KLF8: variants seen among roughly 807,000 people sequenced by gnomAD.
KLF8 encodes the protein KLF transcription factor 8.
In KLF8, 10 loss-of-function variants were observed where a neutral mutation model predicts 18.2. The ratio of observed to expected loss-of-function variants is 0.55; its 90% confidence interval spans 0.34 to 0.93. The LOEUF is 0.93. KLF8 is among the 40% of genes least tolerant of loss of function. The pLI, the probability that KLF8 is intolerant of heterozygous loss-of-function variation, is 0.02. For synonymous variants in KLF8, 109 were observed against 97.3 expected (o/e 1.12, Z -0.71); for missense variants, 264 against 277.9 (o/e 0.95, Z 0.36).
chrX:56,167,502 C>T, the KLF8 span, among the ~76,000 whole-genome samples: 1 of 111,949 alleles, frequency 8.9e-6, no homozygotes, highest in Non-Finnish European at 1.9e-5. Context: ...TTAACTCTAC[C>T]GTATTAGCTG....
chrX:55,952,845 G>A, the KLF8 span, among the ~76,000 whole-genome samples: 1 of 111,613 alleles, frequency 9.0e-6, no homozygotes, highest in Non-Finnish European at 1.9e-5. Context: ...TGTGGGCCAG[G>A]CCCTGTGATA....
chrX:56,075,790 T>A, the KLF8 span, among the ~76,000 whole-genome samples: 2 of 111,949 alleles, frequency 1.8e-5, no homozygotes, highest in Admixed American at 9.5e-5. Context: ...GTGCCTGGCT[T>A]ATTTACTTAA....
At chrX:56,254,500 T>C (rs763425916) in intron 2 of KLF8, among the ~76,000 whole-genome samples, 1 of 112,122 alleles carries the variant, frequency 8.9e-6, no homozygotes, top group South Asian at 3.7e-4. Context: ...CATTAACAGC[T>C]CACCAGAGGG....
the KLF8 span, among the ~76,000 whole-genome samples, chrX:56,226,989 A>G: frequency 8.9e-6 from 1 of 112,588 alleles, no homozygotes; most frequent in Non-Finnish European, 1.9e-5. Flanking sequence ...CAGTACTTCA[A>G]TAGGTGTATT....
In KLF8 at chrX:56,269,360, C is replaced by G; in HGVS notation, c.647-18C>G. ...ACATACATCTTCAGCTCACACTGCT[C>G]CCTTTCTTTGCTTTTAGTGAAAGTT... On this transcript the variant is annotated intron_variant, in intron 3 of 5. Transcript: ENST00000468660. 1 of 1,195,646 alleles carries G rather than the reference C, an allele frequency of 8.4e-7. No individual in the cohort carries two copies. The highest frequency in any genetic ancestry group is 1.7e-5 in the African/African-American group (1 of 57,419).
the KLF8 span, among the ~76,000 whole-genome samples, chrX:55,981,877 C>T: frequency 2.7e-5 from 3 of 111,915 alleles, no homozygotes; most frequent in Non-Finnish European, 5.6e-5. Context: ...TTCCTTTGCT[C>T]CACCCACCTA....
chrX:56,039,693 G>T, the KLF8 span, among the ~76,000 whole-genome samples: 2 of 111,782 alleles, frequency 1.8e-5, no homozygotes, highest in East Asian at 5.6e-4. Flanking sequence ...GTTTGCTTAG[G>T]ATTGTCTTGT....
chrX:56,053,258 T>C, the KLF8 span, among the ~76,000 whole-genome samples: 3 of 112,338 alleles, frequency 2.7e-5, no homozygotes, highest in Non-Finnish European at 5.6e-5. Flanking sequence ...CTGTTCCTAT[T>C]CTGCTATCTT....
At chrX:55,992,960 C>T in the KLF8 span, among the ~76,000 whole-genome samples, 2 of 111,471 alleles carry the variant, frequency 1.8e-5, no homozygotes, top group African/African-American at 6.5e-5. Flanking sequence ...TACCTTGAAA[C>T]TTTGCTGAAG....
At chrX:55,964,905 C>T in the KLF8 span, among the ~76,000 whole-genome samples, 1 of 111,096 alleles carries the variant, frequency 9.0e-6, no homozygotes, top group African/African-American at 3.3e-5. Context: ...AAATTGAATC[C>T]CTAATAAAAA....
At chrX:56,212,918 CATT>C in the KLF8 span, among the ~76,000 whole-genome samples, 2 of 111,737 alleles carry the variant, frequency 1.8e-5, no homozygotes, top group African/African-American at 3.3e-5. Flanking sequence ...TTCTTAAAGA[CATT>C]GTTGTTAGCC....
the KLF8 span, among the ~76,000 whole-genome samples, chrX:56,144,290 A>T: frequency 8.9e-6 from 1 of 111,733 alleles, no homozygotes; most frequent in Admixed American, 9.6e-5. Flanking sequence ...TATAACACCA[A>T]AAGCACAAAC....
At chrX:55,941,787 C>G in the KLF8 span, among the ~76,000 whole-genome samples, 1 of 112,094 alleles carries the variant, frequency 8.9e-6, no homozygotes, top group African/African-American at 3.2e-5. Context: ...CACTGGCCAT[C>G]AGATGAATGC....
chrX:55,908,841 A>G, the KLF8 span: 1 of 199,115 alleles, frequency 5.0e-6, no homozygotes, highest in Admixed American at 7.5e-5. Flanking sequence ...GCCACCTCCC[A>G]CTCCACCTTC....
chrX:56,261,902 C>T (rs2066887384), intron 2 of KLF8, among the ~76,000 whole-genome samples: 1 of 111,724 alleles, frequency 9.0e-6, no homozygotes, highest in South Asian at 3.8e-4. Flanking sequence ...ACCTTGAGAC[C>T]TACTTTTGAG....
chrX:56,243,230 T>C lies in KLF8; in HGVS notation c.8-7001T>C. The C allele has an allele frequency of 1.1e-5, 5 of 457,697 alleles. No individual in the cohort carries two copies. The South Asian group carries it at 1.2e-4, about 11-fold the overall frequency. 37.7% of individuals were successfully genotyped at this position (457,697 alleles called of 1,213,427 possible). ...CCTGGGGGCACTCCTCCGAGGATATTTGGGCTGCCTACAGAGTCGCAGTGA... is the reference window on the plus strand; with the variant it reads ...CCTGGGGGCACTCCTCCGAGGATATCTGGGCTGCCTACAGAGTCGCAGTGA... On this transcript the variant is annotated intron_variant, in intron 1 of 5. Transcript: ENST00000468660.
At chrX:56,007,795 C>T in the KLF8 span, among the ~76,000 whole-genome samples, 1 of 110,779 alleles carries the variant, frequency 9.0e-6, no homozygotes. Flanking sequence ...ATATACTTAC[C>T]AAATCATTTT....
chrX:56,097,251 G>C, the KLF8 span, among the ~76,000 whole-genome samples: 1 of 110,808 alleles, frequency 9.0e-6, no homozygotes, highest in Admixed American at 9.6e-5. Context: ...ACAAAGCTGC[G>C]TGTGGAGAAG....
In KLF8 at chrX:56,265,381, A is replaced by C; in HGVS notation, c.283A>C (p.Lys95Gln). ...AGTTGACCTCTCCTTTCACAAGCCC[A>C]AGGCTCCTCTCCAGCCTGCTAGCAT... ...EPVDLSFHKP[K>Q]APLQPASMLQ... Residue 95 changes from lysine (K) to glutamine (Q), a missense_variant, in exon 3 of 6, where the codon AAG becomes CAG. Lys to Gln is a moderately conservative substitution (Grantham distance 53). Around this residue, in one of 2 missense-constraint regions of KLF8, gnomAD observed 221 missense variants for 193.6 expected, o/e 1.14. Coordinates refer to ENST00000468660, the MANE Select transcript of KLF8 (RefSeq NM_007250.5). 1.7e-6 allele frequency: 2 copies of C among 1,211,185 alleles called. No homozygotes were observed. Among genetic ancestry groups the C allele is most frequent in the Non-Finnish European group, 2.2e-6 (2 of 895,317 alleles).
Sources: allele counts gnomAD v4.1 joint callset (sites outside exome capture counted in the v4.1 genomes callset), GRCh38; gene constraint gnomAD v4.1.1; regional missense constraint gnomAD v4.1.1; transcripts MANE v1.5; gene names NCBI Gene and HGNC (gene_info 2026-07-23, HGNC 2026-07-21).